Variants in PLAAT5 observed in about 807,000 individuals in gnomAD.
The protein encoded by PLAAT5 is phospholipase A and acyltransferase 5.
PLAAT5 carries 27 observed loss-of-function variants against 27.8 expected under a neutral mutation model. That is an observed-to-expected ratio of 0.97 (90% CI 0.72 to 1.34). PLAAT5 has a LOEUF of 1.34. Ranked by LOEUF, PLAAT5 falls within the 40% of genes most tolerant of loss-of-function variation. The pLI is 0.00. For synonymous variants in PLAAT5, 125 were observed against 136.1 expected (o/e 0.92, Z 0.57); for missense variants, 368 against 343.8 (o/e 1.07, Z -0.56).
Position 63,462,843 on chromosome 11 carries a change from A to G in PLAAT5, c.*660T>C, listed in dbSNP as rs144110653. The G allele has an allele frequency of 2.8e-4, 43 of 152,346 alleles. No individual in the cohort carries two copies. Among genetic ancestry groups the G allele is most frequent in the African/African-American group, 1.0e-3 (43 of 41,570 alleles). The allele number at this position is 152,346 out of a possible 1,614,324, so 9.4% of individuals were successfully genotyped here. A position where few individuals can be genotyped will look rare whatever the true frequency, so the allele number is the denominator to read the frequency against. On this transcript the variant is annotated 3_prime_UTR_variant, in exon 6 of 6. Coordinates refer to ENST00000540857, the MANE Select transcript of PLAAT5 (RefSeq NM_001146729.2). The stretch of plus-strand genomic sequence containing the variant: ...TCACATTTTAGGGTAATTATGAGGT[A>G]CAAAAGCAAGATAAATTGTCTTATC...
At chr11:63,483,783 AAAT>A (rs1482522358) in intron 3 of PLAAT5, among the ~76,000 whole-genome samples, 13 of 96,224 alleles carry the variant, frequency 1.4e-4, no homozygotes, top group Admixed American at 5.5e-4. Context: ...AGCAAAAAAA[AAAT>A]ATATATATAT....
intron 3 of PLAAT5, among the ~76,000 whole-genome samples, chr11:63,481,097 T>C (rs540544642): frequency 6.6e-6 from 1 of 152,352 alleles, no homozygotes; most frequent in South Asian, 2.1e-4. Flanking sequence ...AAAAAATTGC[T>C]TTAACTTGGT....
intron 1 of PLAAT5, chr11:63,490,563 G>T (rs1276153812): frequency 1.5e-6 from 1 of 688,146 alleles, no homozygotes; most frequent in Non-Finnish European, 2.4e-6. Flanking sequence ...CGGAATCGGG[G>T]AGAGGATGAA....
chr11:63,478,874 A>G (rs903558413), intron 3 of PLAAT5, among the ~76,000 whole-genome samples: 2 of 152,204 alleles, frequency 1.3e-5, no homozygotes, highest in African/African-American at 4.8e-5. Context: ...TGCTTTGTCT[A>G]AAGTCCCACA....
chr11:63,465,285 AAG>A (rs940156717), intron 5 of PLAAT5, among the ~76,000 whole-genome samples: 2 of 151,786 alleles, frequency 1.3e-5, no homozygotes, highest in Non-Finnish European at 2.9e-5. Flanking sequence ...TCTCAAAAAA[AAG>A]AGAGAGAGAG....
Position 63,488,969 on chromosome 11 carries a change from C to T in PLAAT5, c.247G>A (p.Ala83Thr). 6.2e-7 allele frequency: 1 copy of T among 1,607,346 alleles called. No individual in the cohort carries two copies. Among genetic ancestry groups the T allele is most frequent in the Non-Finnish European group, 8.5e-7 (1 of 1,174,954 alleles). ...QGRSIQQGEKAVVSLETTPSQ... is the reference protein window; with the variant it reads ...QGRSIQQGEKTVVSLETTPSQ... ...GGTGTGGTCTCCAAGCTAACTACAGCCTTCTCCCTAAATGATTTTGCAATC... is the reference window on the plus strand; with the variant it reads ...GGTGTGGTCTCCAAGCTAACTACAGTCTTCTCCCTAAATGATTTTGCAATC... Residue 83 changes from alanine (A) to threonine (T), a missense_variant, in exon 3 of 6, where the codon GCT becomes ACT. Transcript: ENST00000540857.
Position 63,469,671 on chromosome 11 carries a change from T to C in PLAAT5, c.346-1206A>G, listed in dbSNP as rs139831419. On this transcript the variant is annotated intron_variant, in intron 3 of 5. Coordinates refer to ENST00000540857, the MANE Select transcript of PLAAT5 (RefSeq NM_001146729.2). The stretch of plus-strand genomic sequence containing the variant: ...AATTAATGTCATTAATGTCGTTAAT[T>C]TGTCAACTACTCAGAGCAAAATATT... 4.1e-3 allele frequency: 754 copies of C among 183,734 alleles called. 3 individuals are homozygous for C. Among genetic ancestry groups the C allele is most frequent in the South Asian group, 0.012 (86 of 6,988 alleles). The allele number at this position is 183,734 out of a possible 1,614,324, so 11.4% of individuals were successfully genotyped here. A position where few individuals can be genotyped will look rare whatever the true frequency, so the allele number is the denominator to read the frequency against.
At chr11:63,466,969 A>G (rs887332485) in intron 4 of PLAAT5, among the ~76,000 whole-genome samples, 1 of 152,204 alleles carries the variant, frequency 6.6e-6, no homozygotes. Flanking sequence ...TTGAAAAAAG[A>G]AATGTTTGAA....
chr11:63,483,403 A>G (rs1248054337), intron 3 of PLAAT5, among the ~76,000 whole-genome samples: 2 of 152,104 alleles, frequency 1.3e-5, no homozygotes, highest in Non-Finnish European at 2.9e-5. Flanking sequence ...AAATATATCA[A>G]GTACCCTCTC....
At chr11:63,468,796 C>T (rs1035898644) in intron 3 of PLAAT5, among the ~76,000 whole-genome samples, 2 of 152,176 alleles carry the variant, frequency 1.3e-5, no homozygotes, top group African/African-American at 4.8e-5. Context: ...AGATGTTAAA[C>T]CTTCTCAGTA....
At position 63,466,470 on chromosome 11, in the gene PLAAT5, T is replaced by C. The variant is rs949463701; in HGVS notation, c.455-98A>G. The C allele has an allele frequency of 2.0e-5, 25 of 1,226,966 alleles. No individual in the cohort carries two copies. In the East Asian group the frequency reaches 5.8e-4, roughly 29 times the overall value. The allele number at this position is 1,226,966 out of a possible 1,614,324, so 76.0% of individuals were successfully genotyped here. On this transcript the variant is annotated intron_variant, in intron 4 of 5. Coordinates refer to ENST00000540857, the MANE Select transcript of PLAAT5 (RefSeq NM_001146729.2). ...GTAAGCTGCTTCCCCTGGAGTCTCA[T>C]TGGCACCATCAGTAGAAGGGTGGCA...
chr11:63,477,958 T>C (rs551944582), intron 3 of PLAAT5, among the ~76,000 whole-genome samples: 1 of 152,348 alleles, frequency 6.6e-6, no homozygotes, highest in South Asian at 2.1e-4. Context: ...TGCAGCCTTG[T>C]GCATACCTTC....
chr11:63,463,445 AGCAT>A lies in PLAAT5; in HGVS notation c.*54_*57del, dbSNP rs1405763216. 2 of 1,290,198 alleles carry A rather than the reference AGCAT, an allele frequency of 1.6e-6. No homozygotes were observed. Among genetic ancestry groups the A allele is most frequent in the Admixed American group, 1.7e-5 (1 of 59,430 alleles). The allele number at this position is 1,290,198 out of a possible 1,614,324, so 79.9% of individuals were successfully genotyped here. A position where few individuals can be genotyped will look rare whatever the true frequency, so the allele number is the denominator to read the frequency against. On this transcript the variant is annotated 3_prime_UTR_variant, in exon 6 of 6. Transcript: ENST00000540857. ...CCATTGAGAGAAGGCAAGGGAAGGAAGCATGTTCTTTTTGCTTGTGTCAGTAACT... is the reference window on the plus strand; with the variant it reads ...CCATTGAGAGAAGGCAAGGGAAGGAAGTTCTTTTTGCTTGTGTCAGTAACT...
At chr11:63,467,712 G>A (rs926621395) in intron 4 of PLAAT5, among the ~76,000 whole-genome samples, 1 of 152,116 alleles carries the variant, frequency 6.6e-6, no homozygotes, top group South Asian at 2.1e-4. Flanking sequence ...AGCAGTTCTA[G>A]ATACCCAATT....
At chr11:63,483,784 AATATATATATATATATG>A (rs1267440770) in intron 3 of PLAAT5, among the ~76,000 whole-genome samples, 1 of 65,680 alleles carries the variant, frequency 1.5e-5, no homozygotes, top group African/African-American at 9.8e-5. Context: ...GCAAAAAAAA[AATATATATATATATATG>A]TATATATATA....
chr11:63,465,800 G>A (rs1039624178), intron 5 of PLAAT5, among the ~76,000 whole-genome samples: 2 of 151,790 alleles, frequency 1.3e-5, no homozygotes, highest in Non-Finnish European at 2.9e-5. Flanking sequence ...CAAAGAAAGA[G>A]GGGAAAAAAA....
Position 63,491,109 on chromosome 11 carries a change from C to A in PLAAT5, c.-75G>T, listed in dbSNP as rs2016561806. 2.4e-6 allele frequency: 3 copies of A among 1,251,592 alleles called. No homozygotes were observed. The allele number at this position is 1,251,592 out of a possible 1,614,324, so 77.5% of individuals were successfully genotyped here. A position where few individuals can be genotyped will look rare whatever the true frequency, so the allele number is the denominator to read the frequency against. The stretch of plus-strand genomic sequence containing the variant: ...CCTGGCGAGTTCCCAGTCGGCGCGG[C>A]CCCTGGTCGGCGGAGCCGCGGAAGC... On this transcript the variant is annotated 5_prime_UTR_variant, in exon 1 of 6. Coordinates refer to ENST00000540857, the MANE Select transcript of PLAAT5 (RefSeq NM_001146729.2).
chr11:63,488,809 A>G (rs1179075969), intron 3 of PLAAT5, 62 bp downstream of exon 3: 5 of 1,118,564 alleles, frequency 4.5e-6, no homozygotes, highest in Non-Finnish European at 6.8e-6. Flanking sequence ...GTAAAATACA[A>G]TATGTAGAGA....
intron 3 of PLAAT5, chr11:63,470,798 T>C (rs1473732474): frequency 6.6e-6 from 1 of 152,204 alleles, no homozygotes; most frequent in Non-Finnish European, 1.5e-5. Flanking sequence ...CACATCTTAC[T>C]CAAAATCAGA....
Sources: gnomAD v4.1 joint callset for allele counts (sites outside exome capture counted in the v4.1 genomes callset) on GRCh38, gnomAD v4.1.1 for gene constraint, MANE v1.5 for transcripts, NCBI Gene and HGNC (gene_info 2026-07-23, HGNC 2026-07-21) for gene names.